Variants in STXBP5L observed in about 807,000 individuals in gnomAD.
The protein encoded by STXBP5L is syntaxin binding protein 5L.
A neutral mutation model predicts 144.5 loss-of-function variants in STXBP5L; 65 were observed. The observed-to-expected ratio is 0.45, with a 90% CI of 0.37 to 0.55. The LOEUF is 0.55. Among genes scored for constraint, STXBP5L ranks in the 20% least tolerant of loss-of-function variants. STXBP5L has a pLI of 0.00. For synonymous variants in STXBP5L, 505 were observed against 469.6 expected (o/e 1.08, Z -0.97); for missense variants, 1,298 against 1,405.5 (o/e 0.92, Z 1.22).
chr3:120,908,903 C>T (rs966794721), intron 1 of STXBP5L, among the ~76,000 whole-genome samples: 1 of 151,558 alleles, frequency 6.6e-6, no homozygotes, highest in Admixed American at 6.6e-5. Flanking sequence ...TGGAAACAGA[C>T]GGTGTCGCCG....
intron 4 of STXBP5L, among the ~76,000 whole-genome samples, chr3:121,043,395 C>T (rs1253134864): frequency 1.3e-5 from 2 of 152,056 alleles, no homozygotes; most frequent in Non-Finnish European, 2.9e-5. Flanking sequence ...GATGATAAGT[C>T]ACATCTCAGT....
chr3:121,358,045 G>A (rs2108631370), intron 20 of STXBP5L: 1 of 152,228 alleles, frequency 6.6e-6, no homozygotes, highest in African/African-American at 2.4e-5. Flanking sequence ...TTGATTACAT[G>A]CAATGTGAAA....
At chr3:121,250,952 CTATAA>C (rs1189111125) in intron 15 of STXBP5L, among the ~76,000 whole-genome samples, 189 bp downstream of exon 15, 2 of 152,254 alleles carry the variant, frequency 1.3e-5, no homozygotes, top group Non-Finnish European at 2.9e-5. Flanking sequence ...TACTTCTCTT[CTATAA>C]TATAAGGTAA....
intron 22 of STXBP5L, among the ~76,000 whole-genome samples, chr3:121,389,146 C>A (rs1042580814): frequency 6.6e-6 from 1 of 152,242 alleles, no homozygotes; most frequent in South Asian, 2.1e-4. Context: ...GGAATTTATC[C>A]ATTTCTTCTA....
chr3:121,297,268 A>G (rs1280095646), intron 19 of STXBP5L, among the ~76,000 whole-genome samples: 1 of 151,578 alleles, frequency 6.6e-6, no homozygotes, highest in African/African-American at 2.4e-5. Flanking sequence ...GATAATATAC[A>G]TATATGAATG....
chr3:121,056,347 C>T (rs1188845361), intron 5 of STXBP5L, among the ~76,000 whole-genome samples: 1 of 151,982 alleles, frequency 6.6e-6, no homozygotes, highest in Non-Finnish European at 1.5e-5. Flanking sequence ...CAAATGTAGG[C>T]TACGATATAC....
At chr3:121,312,667 C>T (rs1013806734) in intron 19 of STXBP5L, among the ~76,000 whole-genome samples, 8 of 150,042 alleles carry the variant, frequency 5.3e-5, no homozygotes, top group East Asian at 3.9e-4. Context: ...TGACTCTTAA[C>T]GAGCATGCTG....
At chr3:121,101,370 AAC>A (rs57962583) in intron 5 of STXBP5L, among the ~76,000 whole-genome samples, 32,401 of 152,044 alleles carry the variant, frequency 0.21, 3,669 homozygotes, top group Non-Finnish European at 0.26. Context: ...AGAATCCAAC[AAC>A]ACAACAAAAA....
At chr3:120,978,507 G>A (rs568726587) in intron 3 of STXBP5L, among the ~76,000 whole-genome samples, 130 of 152,132 alleles carry the variant, frequency 8.5e-4, no homozygotes, top group Middle Eastern at 3.4e-3. Context: ...CCTGTAGCTC[G>A]GAGTAGTTTG....
chr3:121,315,546 A>C (rs956681773), intron 19 of STXBP5L, among the ~76,000 whole-genome samples: 6 of 151,716 alleles, frequency 4.0e-5, no homozygotes, highest in Admixed American at 3.9e-4. Context: ...TGACAAGTTA[A>C]TGGGTGCAGC....
chr3:121,049,355 G>T lies in STXBP5L; in HGVS notation c.470+3820G>T, dbSNP rs372830775. ...GGTAGTGGCCTAAGAGTCCAGTGTG[G>T]GGTGGTTGAGGTTCTAGGTCAGGAG... On this transcript the variant is annotated intron_variant, in intron 5 of 26. Coordinates refer to ENST00000471454, the MANE Select transcript of STXBP5L (RefSeq NM_001308330.2). Among the ~76,000 whole-genome samples, 78 of 152,210 alleles carry T rather than the reference G, an allele frequency of 5.1e-4. 1 individual carries two copies. The South Asian group carries it at 0.015, about 30-fold the overall frequency.
intron 2 of STXBP5L, among the ~76,000 whole-genome samples, chr3:120,948,086 A>C (rs1040218095): frequency 1.3e-5 from 2 of 151,754 alleles, no homozygotes; most frequent in African/African-American, 4.8e-5. Flanking sequence ...TAGGGCTCCA[A>C]TTTCTTTACA....
intron 7 of STXBP5L, among the ~76,000 whole-genome samples, chr3:121,148,728 A>G (rs1228873939): frequency 6.6e-6 from 1 of 152,122 alleles, no homozygotes; most frequent in Admixed American, 6.6e-5. Context: ...GGCAGTATCT[A>G]TTAAAGTTAA....
At chr3:121,174,611 T>C (rs1040606159) in intron 9 of STXBP5L, among the ~76,000 whole-genome samples, 3 of 152,152 alleles carry the variant, frequency 2.0e-5, no homozygotes, top group African/African-American at 7.2e-5. Flanking sequence ...CTAAAGCCAA[T>C]AGAAAGATTT....
At chr3:121,112,057 C>T (rs1428276249) in intron 5 of STXBP5L, among the ~76,000 whole-genome samples, 2 of 152,138 alleles carry the variant, frequency 1.3e-5, no homozygotes, top group East Asian at 3.9e-4. Context: ...CTCCTGAGTC[C>T]AAACCGCTCA....
At chr3:121,132,925 A>T (rs2045062316) in intron 7 of STXBP5L, among the ~76,000 whole-genome samples, 1 of 152,208 alleles carries the variant, frequency 6.6e-6, no homozygotes, top group African/African-American at 2.4e-5. Flanking sequence ...GTAACTAGAA[A>T]TAATTCAGAC....
intron 10 of STXBP5L, among the ~76,000 whole-genome samples, chr3:121,211,578 C>CTTTTTTTTTTTTTTTTTTT (rs1188424283): frequency 9.1e-6 from 1 of 110,260 alleles, no homozygotes; most frequent in Non-Finnish European, 1.7e-5. Context: ...TTTTTTCTTT[C>CTTTTTTTTTTTTTTTTTTT]TTTTTTTTTT....
intron 22 of STXBP5L, among the ~76,000 whole-genome samples, chr3:121,406,917 T>A (rs2047005423): frequency 6.6e-6 from 1 of 151,986 alleles, no homozygotes; most frequent in African/African-American, 2.4e-5. Context: ...GGGGTAGGAA[T>A]CAGAAAAATC....
At chr3:121,001,345 C>T (rs781656683) in intron 3 of STXBP5L, among the ~76,000 whole-genome samples, 9 of 152,178 alleles carry the variant, frequency 5.9e-5, no homozygotes, top group Admixed American at 1.3e-4. Context: ...GGCAGAGATC[C>T]TCGGGAATTC....
Sources: gnomAD v4.1 joint callset for allele counts (sites outside exome capture counted in the v4.1 genomes callset) on GRCh38, gnomAD v4.1.1 for gene constraint, MANE v1.5 for transcripts, NCBI Gene and HGNC (gene_info 2026-07-23, HGNC 2026-07-21) for gene names.